SEPTIN8: variants seen among roughly 807,000 people sequenced by gnomAD.
The protein encoded by SEPTIN8 is septin 8.
A neutral mutation model predicts 53.1 loss-of-function variants in SEPTIN8; 22 were observed. The ratio of observed to expected loss-of-function variants is 0.41; its 90% CI spans 0.30 to 0.59. The LOEUF is 0.59. Among genes scored for constraint, SEPTIN8 ranks in the 20% least tolerant of loss-of-function variants. The pLI, the probability that SEPTIN8 is intolerant of heterozygous loss-of-function variation, is 0.24. For missense variants in SEPTIN8, 536 were observed against 638.7 expected (o/e 0.84, Z 1.73); for synonymous variants, 228 against 248.4 (o/e 0.92, Z 0.77).
chr5:132,777,640 C>A, upstream of SEPTIN8: 1 of 985,566 alleles, frequency 1.0e-6, no homozygotes, highest in Non-Finnish European at 1.2e-6. The surrounding 1 kb of genome is among the most constrained non-coding windows in gnomAD (Gnocchi z 4.1). Context: ...GCCGTCTCCA[C>A]CCGCTGGAGC....
chr5:132,771,603 A>G (rs1453169806), intron 1 of SEPTIN8, among the ~76,000 whole-genome samples: 1 of 152,196 alleles, frequency 6.6e-6, no homozygotes, highest in Non-Finnish European at 1.5e-5. Context: ...TGGACTCAGG[A>G]GTCAATGGAC....
chr5:132,764,141 T>C (rs1024955232), intron 3 of SEPTIN8, 83 bp downstream of exon 3: 5 of 1,399,200 alleles, frequency 3.6e-6, no homozygotes, highest in Admixed American at 4.2e-5. Flanking sequence ...CCCCCTGCAG[T>C]GTGAGGGCTG....
intron 1 of SEPTIN8, among the ~76,000 whole-genome samples, chr5:132,766,376 C>A (rs894077295): frequency 6.6e-6 from 1 of 152,160 alleles, no homozygotes; most frequent in East Asian, 1.9e-4. Context: ...GCGGCAGGCC[C>A]CGAGTGAGCT....
intron 9 of SEPTIN8, chr5:132,752,734 G>A: frequency 1.5e-6 from 1 of 666,950 alleles, no homozygotes; most frequent in Non-Finnish European, 2.6e-6. Context: ...TGAGATGGTA[G>A]GATTAGTGGT....
Position 132,761,925 on chromosome 5 carries a change from C to T in SEPTIN8, c.697-29G>A, listed in dbSNP as rs1443433107. On this transcript the variant is annotated intron_variant, in intron 5 of 9. Transcript: ENST00000378719. This position sits in a 1 kb window ranked among gnomAD's most constrained non-coding sequence, Gnocchi z 5.8. The stretch of plus-strand genomic sequence containing the variant: ...GAAAGGGGCCCGGGTATGCGTAAGC[C>T]CTGAGCTGACACAGACTAATGGCAG... 6.5e-7 allele frequency: 1 copy of T among 1,546,948 alleles called. No individual in the cohort carries two copies. Among genetic ancestry groups the T allele is most frequent in the Non-Finnish European group, 8.8e-7 (1 of 1,142,596 alleles).
chr5:132,773,818 C>CGCTTTCCATGCTTTCCAT lies in SEPTIN8; in HGVS notation c.30+3289_30+3290insATGGAAAGCATGGAAAGC, dbSNP rs1159867151. ...AATGACCAATGCTTTCCATCAGCCC[C>CGCTTTCCATGCTTTCCAT]GCAGCTCTGACCCACTGCAATCAAG... is the stretch of plus-strand genomic sequence containing the variant. On this transcript the variant is annotated intron_variant, in intron 1 of 9. Transcript: ENST00000378719. This position sits in a 1 kb window ranked among gnomAD's most constrained non-coding sequence, Gnocchi z 4.2. 1 of 152,544 alleles carries CGCTTTCCATGCTTTCCAT rather than the reference C, an allele frequency of 6.6e-6. No homozygotes were observed. The highest frequency in any genetic ancestry group is 2.4e-5 in the African/African-American group (1 of 41,430). 9.4% of individuals were successfully genotyped at this position (152,544 alleles called of 1,614,324 possible).
chr5:132,755,426 T>C (rs562013415), intron 9 of SEPTIN8, among the ~76,000 whole-genome samples: 4 of 152,300 alleles, frequency 2.6e-5, no homozygotes, highest in Admixed American at 2.0e-4. Context: ...CATCATTCCA[T>C]TGAGATGCCA....
rs1478790099 is a variant in SEPTIN8, at chr5:132,751,636, C to A, written c.*380G>T. On this transcript the variant is annotated 3_prime_UTR_variant, in exon 10 of 10. Transcript: ENST00000378719. Reference sequence around the variant, plus strand: ...TTGCAGAGTTTCGTCTTATGATAAGCAGATACAAGTAACTTTTCTGCTACC... The same window carrying A: ...TTGCAGAGTTTCGTCTTATGATAAGAAGATACAAGTAACTTTTCTGCTACC... The A allele has an allele frequency of 5.2e-6, 2 of 386,766 alleles. No individual in the cohort carries two copies. Among genetic ancestry groups the A allele is most frequent in the Non-Finnish European group, 9.2e-6 (2 of 216,808 alleles). The allele number at this position is 386,766 out of a possible 1,614,324, so 24.0% of individuals were successfully genotyped here. A position where few individuals can be genotyped will look rare whatever the true frequency, so the allele number is the denominator to read the frequency against.
chr5:132,760,467 G>A lies in SEPTIN8; in HGVS notation c.1286+335C>T, dbSNP rs558599582. On this transcript the variant is annotated intron_variant, in intron 9 of 9. Transcript: ENST00000378719. The surrounding 1 kb of genome is among the most constrained non-coding windows in gnomAD (Gnocchi z 5.2). ...GCTGCCAAGGGGGCTATGGGAGAGC[G>A]AATGGGTGAGCAAGAAAGTTGGAGG... is the stretch of plus-strand genomic sequence containing the variant. Among the ~76,000 whole-genome samples, 1 of 152,234 alleles carries A rather than the reference G, an allele frequency of 6.6e-6. No individual in the cohort carries two copies. The highest frequency in any genetic ancestry group is 6.5e-5 in the Admixed American group (1 of 15,294).
intron 1 of SEPTIN8, among the ~76,000 whole-genome samples, chr5:132,770,065 A>ATATATATATATATGTATATATG (rs1757101258): frequency 3.7e-4 from 4 of 10,832 alleles, no homozygotes; most frequent in South Asian, 1.7e-3. Flanking sequence ...GTGTGTGTGT[A>ATATATATATATATGTATATATG]TATATATATA....
At chr5:132,767,450 C>T (rs1756718083) in intron 1 of SEPTIN8, among the ~76,000 whole-genome samples, 1 of 152,150 alleles carries the variant, frequency 6.6e-6, no homozygotes. Context: ...ACTTACGTTC[C>T]AGACCCCTCA....
chr5:132,757,877 C>T (rs990960551), intron 9 of SEPTIN8: 18 of 985,510 alleles, frequency 1.8e-5, no homozygotes, highest in Middle Eastern at 1.0e-3. Flanking sequence ...CCCTGTGACC[C>T]AGCCAGGAAA....
chr5:132,775,192 G>A (rs180766500), intron 1 of SEPTIN8, among the ~76,000 whole-genome samples: 14 of 152,254 alleles, frequency 9.2e-5, no homozygotes, highest in Admixed American at 8.5e-4. Context: ...GGAATGGTCC[G>A]AGAGCAAACA....
chr5:132,761,757 A>C lies in SEPTIN8; in HGVS notation c.793+43T>G. 6.3e-7 allele frequency: 1 copy of C among 1,587,432 alleles called. No homozygotes were observed. The highest frequency in any genetic ancestry group is 2.3e-5 in the East Asian group (1 of 44,402). On this transcript the variant is annotated intron_variant, in intron 6 of 9. Transcript: ENST00000378719. The surrounding 1 kb of genome is among the most constrained non-coding windows in gnomAD (Gnocchi z 5.8). ...CTACAGGCAGCAGGGCAGGCCAGGG[A>C]ACTCAGTTCTACCCCCAGGATGCAT...
chr5:132,758,502 A>G lies in SEPTIN8; in HGVS notation c.1286+2300T>C, dbSNP rs374823905. 728 of 1,613,210 alleles carry G rather than the reference A, an allele frequency of 4.5e-4. 4 individuals carry two copies. In the Middle Eastern group the frequency reaches 4.8e-3, roughly 11 times the overall value. On this transcript the variant is annotated intron_variant, in intron 9 of 9. Coordinates refer to ENST00000378719, the MANE Select transcript of SEPTIN8 (RefSeq NM_001098811.2). ...GCTGGGGCCTTCGCTAGAGCGGCACATAACAGCTCCGTCAGGGAATAGTGA... is the reference window on the plus strand; with the variant it reads ...GCTGGGGCCTTCGCTAGAGCGGCACGTAACAGCTCCGTCAGGGAATAGTGA...
chr5:132,777,634 T>C (rs1757926003), upstream of SEPTIN8: 1 of 985,462 alleles, frequency 1.0e-6, no homozygotes. This position sits in a 1 kb window ranked among gnomAD's most constrained non-coding sequence, Gnocchi z 4.1. Context: ...CACCAAGCCG[T>C]CTCCACCCGC....
upstream of SEPTIN8, chr5:132,777,829 G>C: frequency 1.0e-6 from 1 of 985,504 alleles, no homozygotes; most frequent in Non-Finnish European, 1.2e-6. This position sits in a 1 kb window ranked among gnomAD's most constrained non-coding sequence, Gnocchi z 4.1. Context: ...GCCTTCCCGG[G>C]CAAGGGACCA....
chr5:132,757,314 G>A (rs751989783), intron 9 of SEPTIN8: 6 of 985,456 alleles, frequency 6.1e-6, no homozygotes, highest in Non-Finnish European at 7.2e-6. Flanking sequence ...GCCCCTCACA[G>A]GTAAAGGCTG....
intron 9 of SEPTIN8, chr5:132,758,331 G>A: frequency 1.4e-6 from 2 of 1,392,826 alleles, no homozygotes; most frequent in African/African-American, 1.4e-5. Flanking sequence ...GTGTTTTAAA[G>A]TTATTAAAAT....
Sources: allele counts gnomAD v4.1 joint callset (sites outside exome capture counted in the v4.1 genomes callset), GRCh38; gene constraint gnomAD v4.1.1; non-coding constraint Gnocchi (gnomAD v3.1); transcripts MANE v1.5; gene names NCBI Gene and HGNC (gene_info 2026-07-23, HGNC 2026-07-21).